Variants in KCNK9 observed in about 807,000 individuals in gnomAD.
KCNK9 encodes the protein potassium channel subfamily K member 9.
Under a neutral mutation model 10.8 loss-of-function variants are expected in KCNK9, and 1 was observed. That is an observed-to-expected ratio of 0.09 (90% CI 0.03 to 0.44). The LOEUF (loss-of-function observed/expected upper bound fraction) is 0.44, where lower values mean the gene tolerates loss of function less well. Among genes scored for constraint, KCNK9 ranks in the 20% least tolerant of loss-of-function variants. The pLI is 0.97. For synonymous variants in KCNK9, 231 were observed against 222.7 expected (o/e 1.04, Z -0.33); for missense variants, 303 against 515.0 (o/e 0.59, Z 3.98).
intron 1 of KCNK9, among the ~76,000 whole-genome samples, chr8:139,651,794 G>A (rs898397977): frequency 3.9e-5 from 6 of 152,204 alleles, no homozygotes; most frequent in Non-Finnish European, 5.9e-5. Flanking sequence ...AGCCAATATC[G>A]CCGACACAAT....
chr8:139,688,424 AAG>A (rs1816866821), intron 1 of KCNK9, among the ~76,000 whole-genome samples: 1 of 152,244 alleles, frequency 6.6e-6, no homozygotes, highest in Non-Finnish European at 1.5e-5. Context: ...GGTGGCAGAA[AAG>A]AGTGAGTGCA....
At chr8:139,642,163 T>C (rs766210826) in intron 1 of KCNK9, among the ~76,000 whole-genome samples, 10 of 152,188 alleles carry the variant, frequency 6.6e-5, no homozygotes, top group Non-Finnish European at 1.5e-4. Flanking sequence ...CCAAGTTACA[T>C]GTGTGACACA....
At chr8:139,623,541 C>A (rs1266778008) in intron 1 of KCNK9, among the ~76,000 whole-genome samples, 1 of 152,094 alleles carries the variant, frequency 6.6e-6, no homozygotes, top group Non-Finnish European at 1.5e-5. Context: ...CACAGGTGAC[C>A]CCTAGGCTGT....
chr8:139,610,584 C>T (rs1814391136), downstream of KCNK9, among the ~76,000 whole-genome samples: 3 of 152,180 alleles, frequency 2.0e-5, no homozygotes, highest in African/African-American at 7.2e-5. Context: ...CTCTGCCTGT[C>T]AAAACCCCAC....
chr8:139,666,778 T>C (rs1412008441), intron 1 of KCNK9, among the ~76,000 whole-genome samples: 1 of 152,266 alleles, frequency 6.6e-6, no homozygotes, highest in Non-Finnish European at 1.5e-5. Context: ...TTTACCAACA[T>C]CTGGCTTGAT....
chr8:139,634,132 C>T (rs993902482), intron 1 of KCNK9, among the ~76,000 whole-genome samples: 1 of 152,248 alleles, frequency 6.6e-6, no homozygotes, highest in Admixed American at 6.5e-5. Flanking sequence ...GACTCATGGG[C>T]CTGAGTCAAG....
intron 1 of KCNK9, among the ~76,000 whole-genome samples, chr8:139,681,061 T>A (rs1207857913): frequency 6.6e-6 from 1 of 152,228 alleles, no homozygotes; most frequent in Non-Finnish European, 1.5e-5. Context: ...GCATCTAGCA[T>A]GGCACAGAAC....
At chr8:139,657,886 G>A (rs1816059625) in intron 1 of KCNK9, among the ~76,000 whole-genome samples, 1 of 152,174 alleles carries the variant, frequency 6.6e-6, no homozygotes, top group African/African-American at 2.4e-5. Flanking sequence ...CCCCATCCAG[G>A]CAGAGAACAT....
chr8:139,663,822 A>C (rs1222545081), intron 1 of KCNK9, among the ~76,000 whole-genome samples: 1 of 152,178 alleles, frequency 6.6e-6, no homozygotes, highest in Non-Finnish European at 1.5e-5. Context: ...GAGAGACAAC[A>C]TTAGCAAACG....
intron 1 of KCNK9, among the ~76,000 whole-genome samples, chr8:139,687,375 C>A (rs1816815924): frequency 7.6e-6 from 1 of 132,172 alleles, no homozygotes. Context: ...TATGTGTATA[C>A]ATATATATGA....
intron 1 of KCNK9, among the ~76,000 whole-genome samples, chr8:139,647,716 CT>C (rs1815734098): frequency 6.6e-6 from 1 of 152,002 alleles, no homozygotes; most frequent in South Asian, 2.1e-4. Context: ...ATCGTAAGGG[CT>C]TTGGCTTTCA....
chr8:139,694,082 C>G (rs1250251530), intron 1 of KCNK9, among the ~76,000 whole-genome samples: 1 of 152,156 alleles, frequency 6.6e-6, no homozygotes, highest in Non-Finnish European at 1.5e-5. Flanking sequence ...CTCTGAGGAG[C>G]ATTTCTCAGT....
rs1203648881 is a variant in KCNK9, at chr8:139,693,457, C to T, written c.283+9253G>A. Among the ~76,000 whole-genome samples the T allele has an allele frequency of 6.6e-6, 1 of 152,010 alleles. No homozygotes were observed. Among genetic ancestry groups the T allele is most frequent in the East Asian group, 1.9e-4 (1 of 5,166 alleles). The stretch of plus-strand genomic sequence containing the variant: ...ACAACCAAGCAGAAAGATGTCACCC[C>T]AAACTGCTCAGCTCTCAGCTGCTCC... On this transcript the variant is annotated intron_variant, in intron 1 of 1. Coordinates refer to ENST00000520439, the MANE Select transcript of KCNK9 (RefSeq NM_001282534.2). The surrounding 1 kb of genome is among the most constrained non-coding windows in gnomAD (Gnocchi z 4.1).
At chr8:139,661,855 G>T (rs1816158380) in intron 1 of KCNK9, among the ~76,000 whole-genome samples, 2 of 152,338 alleles carry the variant, frequency 1.3e-5, no homozygotes, top group Middle Eastern at 3.4e-3. Context: ...ATGTGGTGAG[G>T]CCTAGCCCCA....
At chr8:139,657,052 A>G (rs748642108) in intron 1 of KCNK9, among the ~76,000 whole-genome samples, 14 of 152,018 alleles carry the variant, frequency 9.2e-5, no homozygotes, top group Non-Finnish European at 1.8e-4. Context: ...AACAGGAACC[A>G]CCCTGTCTCC....
rs556394402 is a variant in KCNK9 at position 139,700,542 on chromosome 8, G to A, written c.283+2168C>T. Among the ~76,000 whole-genome samples the A allele has an allele frequency of 9.4e-3, 1,267 of 134,248 alleles. 8 individuals carry two copies. The highest frequency in any genetic ancestry group is 0.014 in the Non-Finnish European group (896 of 63,026). The allele number at this position is 134,248 out of a possible 152,430, so 88.1% of individuals were successfully genotyped here. A position where few individuals can be genotyped will look rare whatever the true frequency, so the allele number is the denominator to read the frequency against. On this transcript the variant is annotated intron_variant, in intron 1 of 1. Coordinates refer to ENST00000520439, the MANE Select transcript of KCNK9 (RefSeq NM_001282534.2). ...CGCGCACACACACACACACACACGC[G>A]CGCACACACACACACACACACATTT...
chr8:139,673,378 C>T (rs10110946), intron 1 of KCNK9, among the ~76,000 whole-genome samples: 109,712 of 152,182 alleles, frequency 0.72, 39,933 homozygotes, highest in African/African-American at 0.75. Flanking sequence ...TCAATAAAGC[C>T]GCTACAAAAA....
chr8:139,620,513 C>T (rs775648609), intron 1 of KCNK9, among the ~76,000 whole-genome samples: 8 of 152,078 alleles, frequency 5.3e-5, no homozygotes, highest in Non-Finnish European at 1.0e-4. Flanking sequence ...GATCCTCTGC[C>T]GCTCCTTCCT....
chr8:139,681,664 C>A (rs1816690782), intron 1 of KCNK9, among the ~76,000 whole-genome samples: 1 of 152,196 alleles, frequency 6.6e-6, no homozygotes, highest in Non-Finnish European at 1.5e-5. Context: ...GCTGGCTGCT[C>A]CCTCTGCCAT....
Sources: gnomAD v4.1 joint callset for allele counts (sites outside exome capture counted in the v4.1 genomes callset) on GRCh38, gnomAD v4.1.1 for gene constraint, Gnocchi (gnomAD v3.1) non-coding constraint, MANE v1.5 for transcripts, NCBI Gene and HGNC (gene_info 2026-07-23, HGNC 2026-07-21) for gene names.